Variants in EPB41L2 observed in about 807,000 individuals in gnomAD.
EPB41L2 encodes erythrocyte membrane protein band 4.1 like 2, also known as band 4.1-like protein 2.
Under a neutral mutation model 113.0 loss-of-function variants are expected in EPB41L2, and 43 were observed. That is an observed-to-expected ratio of 0.38 (90% CI 0.30 to 0.49). The LOEUF (loss-of-function observed/expected upper bound fraction) is 0.49. Ranked by LOEUF, EPB41L2 falls within the 20% of genes least tolerant of loss-of-function variation. The pLI, the probability that EPB41L2 is intolerant of heterozygous loss-of-function variation, is 0.95. For missense variants in EPB41L2, 1,147 were observed against 1,223.4 expected, an observed-to-expected ratio of 0.94 and a Z score of 0.93; for synonymous variants, 442 against 436.7, an observed-to-expected ratio of 1.01 and a Z score of -0.15.
chr6:131,037,164 C>T (rs1424168320), intron 1 of EPB41L2, among the ~76,000 whole-genome samples: 2 of 152,228 alleles, frequency 1.3e-5, no homozygotes, highest in African/African-American at 4.8e-5. Context: ...TTACAACTTT[C>T]ATTTCATTTA....
At chr6:131,005,960 C>T (rs1258031836) in intron 1 of EPB41L2, among the ~76,000 whole-genome samples, 1 of 152,128 alleles carries the variant, frequency 6.6e-6, no homozygotes, top group Non-Finnish European at 1.5e-5. Context: ...CAGCAGATAG[C>T]CTCAGCCAGA....
At chr6:130,907,768 T>C (rs1329329099) in intron 5 of EPB41L2, among the ~76,000 whole-genome samples, 2 of 151,950 alleles carry the variant, frequency 1.3e-5, no homozygotes, top group Non-Finnish European at 2.9e-5. Context: ...GAACCTAAAA[T>C]GGGAGCTAGA....
chr6:130,984,825 T>C (rs1247629673), intron 1 of EPB41L2, among the ~76,000 whole-genome samples: 7 of 152,158 alleles, frequency 4.6e-5, no homozygotes, highest in Non-Finnish European at 8.8e-5. Flanking sequence ...AATCAACAGA[T>C]TTACGGGCTT....
intron 2 of EPB41L2, 43 bp downstream of exon 2, chr6:130,955,951 C>T (rs763259403): frequency 2.4e-5 from 37 of 1,573,916 alleles, no homozygotes; most frequent in South Asian, 1.4e-4. Flanking sequence ...TATGTGGTTA[C>T]GCTATCAGGT....
At position 130,839,670 on chromosome 6, in the gene EPB41L2, G is replaced by A. The variant is rs543243183; in HGVS notation, c.*934C>T. ...ACAAAAGGTAAGTTTTACATGTGTA[G>A]ACAAAGAGGTTTAATACAAAGCAAG... On this transcript the variant is annotated 3_prime_UTR_variant, in exon 20 of 20. Coordinates refer to ENST00000337057, the MANE Select transcript of EPB41L2 (RefSeq NM_001431.4). 3 of 152,304 alleles carry A rather than the reference G, an allele frequency of 2.0e-5. No individual in the cohort carries two copies. The East Asian group carries it at 5.8e-4, about 29-fold the overall frequency. The allele number at this position is 152,304 out of a possible 1,614,324, so 9.4% of individuals were successfully genotyped here. A position where few individuals can be genotyped will look rare whatever the true frequency, so the allele number is the denominator to read the frequency against.
At chr6:130,939,355 G>A (rs1809987222) in intron 3 of EPB41L2, among the ~76,000 whole-genome samples, 1 of 151,856 alleles carries the variant, frequency 6.6e-6, no homozygotes. Context: ...TCGGGTTCAA[G>A]CAATTCTCCT....
chr6:130,939,405 C>T (rs982932233), intron 3 of EPB41L2, among the ~76,000 whole-genome samples: 4 of 152,044 alleles, frequency 2.6e-5, no homozygotes, highest in Admixed American at 6.6e-5. Flanking sequence ...AGGCGTGTGC[C>T]ACCAAGCCCG....
chr6:130,937,324 C>CATG (rs1369426337), intron 3 of EPB41L2, among the ~76,000 whole-genome samples: 12 of 152,162 alleles, frequency 7.9e-5, no homozygotes, highest in Non-Finnish European at 1.8e-4. Context: ...AAAGCTTAAC[C>CATG]ATGAGGCAGT....
intron 14 of EPB41L2, chr6:130,870,422 G>A: frequency 6.5e-7 from 1 of 1,547,048 alleles, no homozygotes; most frequent in East Asian, 2.4e-5. Flanking sequence ...AATCAATACA[G>A]TTTTACCTCA....
chr6:131,019,010 C>T (rs930789809), intron 1 of EPB41L2, among the ~76,000 whole-genome samples: 1 of 152,130 alleles, frequency 6.6e-6, no homozygotes, highest in African/African-American at 2.4e-5. Context: ...AACACATGCT[C>T]ATTTGCATAT....
intron 18 of EPB41L2, 88 bp downstream of exon 18, chr6:130,863,550 G>C (rs1310162534): frequency 2.2e-6 from 2 of 910,566 alleles, no homozygotes; most frequent in Non-Finnish European, 3.5e-6. Flanking sequence ...GGGGAGAAGA[G>C]GTTTACACAG....
chr6:130,864,708 G>T (rs1393986597), intron 17 of EPB41L2, among the ~76,000 whole-genome samples: 1 of 152,186 alleles, frequency 6.6e-6, no homozygotes, highest in Non-Finnish European at 1.5e-5. Context: ...CTTAATAACT[G>T]GATATGCTTT....
intron 1 of EPB41L2, among the ~76,000 whole-genome samples, chr6:131,012,512 A>G (rs1329929832): frequency 6.7e-6 from 1 of 148,574 alleles, no homozygotes; most frequent in Admixed American, 6.8e-5. Flanking sequence ...GATGAACATC[A>G]GGCTACTTAT....
chr6:130,880,394 C>T, intron 12 of EPB41L2, 188 bp from the exon 13 acceptor site: 1 of 618,368 alleles, frequency 1.6e-6, no homozygotes, highest in Non-Finnish European at 2.9e-6. Context: ...ACCCTCCCCA[C>T]ACAATACTAA....
At chr6:131,039,317 A>G (rs1793977211) in intron 1 of EPB41L2, among the ~76,000 whole-genome samples, 1 of 152,198 alleles carries the variant, frequency 6.6e-6, no homozygotes, top group Non-Finnish European at 1.5e-5. Context: ...CTACATTTCC[A>G]AATTTCCAAT....
intron 1 of EPB41L2, among the ~76,000 whole-genome samples, chr6:131,009,223 G>C (rs1364225966): frequency 6.6e-6 from 1 of 152,128 alleles, no homozygotes; most frequent in Non-Finnish European, 1.5e-5. Context: ...GAGGTCTGAT[G>C]GTTTTATAAG....
intron 6 of EPB41L2, among the ~76,000 whole-genome samples, chr6:130,903,333 T>C (rs1304926765): frequency 6.6e-6 from 1 of 152,024 alleles, no homozygotes; most frequent in Non-Finnish European, 1.5e-5. Context: ...CTATTTATTA[T>C]TTACTAGGTG....
chr6:130,985,348 C>A (rs2128683842), intron 1 of EPB41L2, among the ~76,000 whole-genome samples: 2 of 152,312 alleles, frequency 1.3e-5, no homozygotes, highest in South Asian at 4.1e-4. Flanking sequence ...ATCTCCTCTC[C>A]ACTGAAAGCT....
chr6:130,952,725 G>A (rs147962555), intron 3 of EPB41L2, among the ~76,000 whole-genome samples: 1 of 151,642 alleles, frequency 6.6e-6, no homozygotes, highest in Non-Finnish European at 1.5e-5. Context: ...CAGAAGAATC[G>A]CTTGAACCAG....
Sources: gnomAD v4.1 joint callset for allele counts (sites outside exome capture counted in the v4.1 genomes callset) on GRCh38, gnomAD v4.1.1 for gene constraint, MANE v1.5 for transcripts, NCBI Gene and HGNC (gene_info 2026-07-23, HGNC 2026-07-21) for gene names.